CEP70: variants seen among roughly 807,000 people sequenced by gnomAD.
The protein encoded by CEP70 is centrosomal protein 70.
Under a neutral mutation model 90.9 loss-of-function variants are expected in CEP70, and 70 were observed. The observed-to-expected ratio is 0.77, with a 90% CI of 0.64 to 0.94. The LOEUF is 0.94. Ranked by LOEUF, CEP70 falls within the 40% of genes least tolerant of loss-of-function variation. The pLI is 0.00. For missense variants in CEP70, 648 were observed against 669.0 expected, an observed-to-expected ratio of 0.97 and a Z score of 0.35; for synonymous variants, 220 against 228.3, an observed-to-expected ratio of 0.96 and a Z score of 0.33.
chr3:138,572,933 C>T lies in CEP70; in HGVS notation c.-5-1G>A. The T allele has an allele frequency of 2.5e-6, 4 of 1,604,344 alleles. No homozygotes were observed. Among genetic ancestry groups the T allele is most frequent in the Non-Finnish European group, 3.4e-6 (4 of 1,174,700 alleles). On this transcript the variant is annotated splice_acceptor_variant, in intron 2 of 17. Transcript: ENST00000264982. LOFTEE classifies it low-confidence loss of function (5UTR_SPLICE). Reference sequence around the variant, plus strand: ...TTAGGGGCTACCGGAAACATAGTTACTTTTGTAGAATCAAAAGAAACAGAA... The same window carrying T: ...TTAGGGGCTACCGGAAACATAGTTATTTTTGTAGAATCAAAAGAAACAGAA...
chr3:138,589,584 G>T (rs1271117955), intron 2 of CEP70, among the ~76,000 whole-genome samples: 1 of 152,022 alleles, frequency 6.6e-6, no homozygotes, highest in Non-Finnish European at 1.5e-5. Flanking sequence ...CTTGAACCCA[G>T]GAGGTGGAGG....
At chr3:138,586,960 T>C (rs1165608005) in intron 2 of CEP70, among the ~76,000 whole-genome samples, 1 of 152,022 alleles carries the variant, frequency 6.6e-6, no homozygotes, top group Non-Finnish European at 1.5e-5. Context: ...TACACATCTG[T>C]GCACCCATGA....
chr3:138,569,314 T>C (rs906473896), intron 6 of CEP70, among the ~76,000 whole-genome samples: 3 of 152,230 alleles, frequency 2.0e-5, no homozygotes, highest in Admixed American at 1.3e-4. Context: ...TTAGATAGCC[T>C]GAACTCACAT....
At chr3:138,536,307 A>T (rs2038261306) in intron 7 of CEP70, among the ~76,000 whole-genome samples, 1 of 152,130 alleles carries the variant, frequency 6.6e-6, no homozygotes, top group Non-Finnish European at 1.5e-5. Context: ...AGGAATGAAA[A>T]CACAACTTCT....
chr3:138,578,308 G>T (rs1332269064), intron 2 of CEP70, among the ~76,000 whole-genome samples: 1 of 152,190 alleles, frequency 6.6e-6, no homozygotes, highest in East Asian at 1.9e-4. Context: ...CATGGTACCA[G>T]CATCTGTGCT....
chr3:138,570,209 G>A (rs746387076), intron 6 of CEP70, 109 bp downstream of exon 6: 1 of 652,918 alleles, frequency 1.5e-6, no homozygotes, highest in Non-Finnish European at 2.5e-6. Context: ...GCAGTGATAA[G>A]CCAAAAAAGG....
intron 6 of CEP70, among the ~76,000 whole-genome samples, chr3:138,543,246 G>T (rs1335925997): frequency 6.6e-6 from 1 of 152,158 alleles, no homozygotes; most frequent in Non-Finnish European, 1.5e-5. Context: ...TGTCTGCACT[G>T]CAGGACACTC....
At chr3:138,576,501 T>G (rs113480836) in intron 2 of CEP70, among the ~76,000 whole-genome samples, 67 of 152,196 alleles carry the variant, frequency 4.4e-4, no homozygotes, top group African/African-American at 1.6e-3. Flanking sequence ...ACAATAATAA[T>G]AGGAGACTTT....
At chr3:138,544,334 T>C (rs137997417) in intron 6 of CEP70, among the ~76,000 whole-genome samples, 2 of 145,682 alleles carry the variant, frequency 1.4e-5, no homozygotes, top group African/African-American at 5.3e-5. Context: ...TCACTCCAGT[T>C]AGAATGGCTA....
intron 6 of CEP70, among the ~76,000 whole-genome samples, chr3:138,560,064 G>A (rs545472143): frequency 6.6e-6 from 1 of 152,350 alleles, no homozygotes; most frequent in South Asian, 2.1e-4. Context: ...TGTGAGGATT[G>A]CTGCCAAGAT....
intron 2 of CEP70, among the ~76,000 whole-genome samples, chr3:138,576,783 T>C (rs111355145): frequency 2.6e-5 from 4 of 152,278 alleles, no homozygotes; most frequent in African/African-American, 9.6e-5. Flanking sequence ...AAATTAGAAC[T>C]CAGGATTAAG....
At chr3:138,592,130 CCTTCT>C (rs2042414320) in intron 1 of CEP70, among the ~76,000 whole-genome samples, 174 bp from the exon 2 acceptor site, 1 of 152,176 alleles carries the variant, frequency 6.6e-6, no homozygotes, top group Non-Finnish European at 1.5e-5. Flanking sequence ...ATGCCTCTTC[CCTTCT>C]CTTCTCTCTC....
chr3:138,573,459 T>C (rs958502301), intron 2 of CEP70, among the ~76,000 whole-genome samples: 9 of 151,450 alleles, frequency 5.9e-5, no homozygotes, highest in Non-Finnish European at 1.0e-4. Flanking sequence ...AAGAAAATAA[T>C]TGCTTATCTA....
intron 6 of CEP70, among the ~76,000 whole-genome samples, chr3:138,564,241 G>A (rs1168740108): frequency 2.0e-5 from 3 of 152,142 alleles, no homozygotes; most frequent in Non-Finnish European, 4.4e-5. Flanking sequence ...AGGACCAGAT[G>A]GATTCACAGT....
At chr3:138,532,900 C>T (rs1237436480) in intron 7 of CEP70, among the ~76,000 whole-genome samples, 1 of 152,234 alleles carries the variant, frequency 6.6e-6, no homozygotes, top group Non-Finnish European at 1.5e-5. Flanking sequence ...AAGTTGTTCA[C>T]TGCACCATTA....
intron 17 of CEP70, chr3:138,497,186 C>T: frequency 8.4e-7 from 1 of 1,188,962 alleles, no homozygotes; most frequent in Non-Finnish European, 1.1e-6. Flanking sequence ...TAAGACTGGT[C>T]ACAAAACTTC....
intron 1 of CEP70, 109 bp from the exon 2 acceptor site, chr3:138,592,065 G>C: frequency 1.9e-6 from 1 of 522,938 alleles, no homozygotes; most frequent in African/African-American, 2.0e-5. Context: ...GGTAATCACA[G>C]ATAAAGCAGG....
intron 6 of CEP70, among the ~76,000 whole-genome samples, chr3:138,550,421 T>C (rs1299199854): frequency 6.6e-6 from 1 of 152,230 alleles, no homozygotes. Flanking sequence ...TGGAGTGCAA[T>C]GGAGTGATCT....
chr3:138,522,749 A>G (rs1415706832), intron 11 of CEP70, among the ~76,000 whole-genome samples: 2 of 152,212 alleles, frequency 1.3e-5, no homozygotes, highest in East Asian at 3.8e-4. Context: ...ACCAACCAAA[A>G]AAAGTCCAGG....
Sources: gnomAD v4.1 joint callset for allele counts (sites outside exome capture counted in the v4.1 genomes callset) on GRCh38, gnomAD v4.1.1 for gene constraint, MANE v1.5 for transcripts, NCBI Gene and HGNC (gene_info 2026-07-23, HGNC 2026-07-21) for gene names.